The following CCDC188 variants were observed in gnomAD, a reference collection of about 807,000 sequenced individuals.
The protein encoded by CCDC188 is coiled-coil domain-containing protein 188.
Under a neutral mutation model 50.7 loss-of-function variants are expected in CCDC188, and 37 were observed. That is an observed-to-expected ratio of 0.73 (90% CI 0.56 to 0.96). The LOEUF (loss-of-function observed/expected upper bound fraction) is 0.96, where lower values mean the gene tolerates loss of function less well. CCDC188 is among the 40% of genes least tolerant of loss of function. The pLI, the probability that CCDC188 is intolerant of heterozygous loss-of-function variation, is 0.00. For missense variants in CCDC188, 453 were observed against 512.9 expected (o/e 0.88, Z 1.13); for synonymous variants, 208 against 228.0 (o/e 0.91, Z 0.79).
In CCDC188 at chr22:20,148,678, C is replaced by T; in HGVS notation, c.1145G>A (p.Trp382Ter). The T allele has an allele frequency of 6.5e-7, 1 of 1,545,658 alleles. No homozygotes were observed. The highest frequency in any genetic ancestry group is 8.7e-7 in the Non-Finnish European group (1 of 1,144,820). The change falls in exon 9 of 9, where the codon TGG becomes TAG. Residue 382 changes from tryptophan (W) to a stop codon, truncating the protein, a stop_gained. Transcript: ENST00000439765. LOFTEE classifies it high-confidence loss of function. ...VPPLLSRATV[W>*]KLRALLDPFL... ...GGGGTCCAGCAGGGCCCGGAGCTTC[C>T]AGACGGTGGCACGGCTCAGCAGGGG...
At chr22:20,150,439 G>T in intron 1 of CCDC188, 29 bp downstream of exon 1, 1 of 1,515,300 alleles carries the variant, frequency 6.6e-7, no homozygotes, top group Non-Finnish European at 8.8e-7. Flanking sequence ...GGCTGGGGCT[G>T]GGGCTGGGGC....
rs2050578830 is a variant in CCDC188, at chr22:20,149,492, G to A, written c.850-16C>T. On this transcript the variant is annotated splice_polypyrimidine_tract_variant and intron_variant, in intron 5 of 8. Coordinates refer to ENST00000439765, the MANE Select transcript of CCDC188 (RefSeq NM_001365892.2). ...TCTTGAGGTTCTGGGGGCCAGAGGA[G>A]GTAAGCACAGCAGGCCCCTCGCCCC... 1 of 1,549,940 alleles carries A rather than the reference G, an allele frequency of 6.5e-7. No homozygotes were observed. Among genetic ancestry groups the A allele is most frequent in the South Asian group, 1.2e-5 (1 of 84,030 alleles).
rs1192736576 is a variant in CCDC188 at position 20,148,887 on chromosome 22, G to T, written c.1010C>A (p.Ala337Glu). The part of the protein sequence containing the change: ...RPKLGSSKGL[A>E]GQLWLLTLRL... ...TGCAGTCACCTACCAGAGCTGGCCT[G>T]CCAGGCCCTTGGAGCTTCCCAGCTT... Residue 337 changes from alanine (A) to glutamate (E), a missense_variant, in exon 8 of 9, where the codon GCA (alanine) becomes GAA (glutamate). Physicochemically the swap from Ala to Glu is moderately radical, Grantham distance 107. Transcript: ENST00000439765. 2 of 1,514,000 alleles carry T rather than the reference G, an allele frequency of 1.3e-6. No individual in the cohort carries two copies. Among genetic ancestry groups the T allele is most frequent in the Non-Finnish European group, 1.8e-6 (2 of 1,128,494 alleles). The allele number at this position is 1,514,000 out of a possible 1,614,324, so 93.8% of individuals were successfully genotyped here. A position where few individuals can be genotyped will look rare whatever the true frequency, so the allele number is the denominator to read the frequency against.
At chr22:20,150,370 A>T (rs1235521515) in intron 1 of CCDC188, 98 bp downstream of exon 1, 1 of 738,584 alleles carries the variant, frequency 1.4e-6, no homozygotes, top group Non-Finnish European at 1.9e-6. Context: ...GGGCAGGGGC[A>T]GGGGCGCCAG....
chr22:20,149,323 G>GT (rs2050574474), intron 6 of CCDC188, 79 bp from the exon 7 acceptor site: 1 of 1,545,808 alleles, frequency 6.5e-7, no homozygotes, highest in African/African-American at 1.4e-5. Flanking sequence ...TGCTGTGGAG[G>GT]TGGGGGGTCA....
chr22:20,150,350 G>A, intron 1 of CCDC188, 100 bp from the exon 2 acceptor site: 1 of 1,020,894 alleles, frequency 9.8e-7, no homozygotes, highest in South Asian at 1.6e-5. Context: ...TGGGGCTGGG[G>A]CTGGGGCAGG....
At position 20,148,700 on chromosome 22, in the gene CCDC188, G is replaced by A. The variant is rs1359510709; in HGVS notation, c.1123C>T (p.Leu375=). The change falls in exon 9 of 9, where the codon CTG becomes TTG. Residue 375 remains leucine (L), a synonymous_variant. Transcript: ENST00000439765. ...PTPFEGLVPP[L]LSRATVWKLR... ...TTCCAGACGGTGGCACGGCTCAGCA[G>A]GGGTGGCACCAGCCCCTCGAAAGGT... is the stretch of plus-strand genomic sequence containing the variant. The A allele has an allele frequency of 5.5e-5, 85 of 1,542,354 alleles. No homozygotes were observed. The highest frequency in any genetic ancestry group is 1.1e-4 in the South Asian group (9 of 83,348).
At chr22:20,149,512 C>A in intron 5 of CCDC188, 36 bp from the exon 6 acceptor site, 1 of 1,549,902 alleles carries the variant, frequency 6.5e-7, no homozygotes, top group Non-Finnish European at 8.7e-7. Context: ...GCAGGCCCCT[C>A]GCCCCGCCCT....
rs1008466592 is a variant in CCDC188 at position 20,149,240 on chromosome 22, G to C, written c.919C>G (p.Arg307Gly). The stretch of plus-strand genomic sequence containing the variant: ...CTGGCTCGAGTGCGGCACTGGGCCC[G>C]CTCCCTGCGGGGGCCTCACTGTCAG... The part of the protein sequence containing the change: ...EDIQLEILRE[R>G]AQCRTRARKE... Residue 307 changes from arginine (R) to glycine (G), a missense_variant, in exon 7 of 9, where the codon CGG becomes GGG. Arg to Gly is a moderately radical substitution (Grantham distance 125). Coordinates refer to ENST00000439765, the MANE Select transcript of CCDC188 (RefSeq NM_001365892.2). 1 of 1,491,716 alleles carries C rather than the reference G, an allele frequency of 6.7e-7. No homozygotes were observed. The highest frequency in any genetic ancestry group is 8.9e-7 in the Non-Finnish European group (1 of 1,117,994). The allele number at this position is 1,491,716 out of a possible 1,614,324, so 92.4% of individuals were successfully genotyped here.
At chr22:20,149,090 G>T in intron 7 of CCDC188, 97 bp downstream of exon 7, 1 of 1,280,640 alleles carries the variant, frequency 7.8e-7, no homozygotes. Flanking sequence ...CCCTGCCCTG[G>T]ACCTGCCCTC....
Position 20,149,996 on chromosome 22 carries a change from C to T in CCDC188, c.691G>A (p.Glu231Lys), listed in dbSNP as rs1057342279. 6.5e-7 allele frequency: 1 copy of T among 1,548,182 alleles called. No individual in the cohort carries two copies. Among genetic ancestry groups the T allele is most frequent in the Non-Finnish European group, 8.7e-7 (1 of 1,146,736 alleles). ...NRAPLQLLRR[E>K]LCQGQEAFVQ... The stretch of plus-strand genomic sequence containing the variant: ...AAAGCCTCTTGCCCCTGGCACAGCT[C>T]CCGCCGCAGCAGCTGCAGAGGTGCC... The change falls in exon 3 of 9, where the codon GAG (glutamate) becomes AAG (lysine). Residue 231 changes from glutamate (E) to lysine (K), a missense_variant. By Grantham distance (56) the Glu-to-Lys change is moderately conservative. Coordinates refer to ENST00000439765, the MANE Select transcript of CCDC188 (RefSeq NM_001365892.2).
chr22:20,150,375 C>CAGGGGT (rs2050603001), intron 1 of CCDC188, 93 bp downstream of exon 1: 2 of 1,018,644 alleles, frequency 2.0e-6, no homozygotes. Context: ...GGGGCAGGGG[C>CAGGGGT]GCCAGGTGGT....
rs7291332 is a variant in CCDC188, at chr22:20,149,143, G to A, written c.972+44C>T. ...CTCTCGCCCAAGCAGGGCCCTGGGT[G>A]GGGGGCTGGTCTCCAGACCCAGAGT... is the stretch of plus-strand genomic sequence containing the variant. On this transcript the variant is annotated intron_variant, in intron 7 of 8. Coordinates refer to ENST00000439765, the MANE Select transcript of CCDC188 (RefSeq NM_001365892.2). The A allele has an allele frequency of 4.3e-4, 600 of 1,384,832 alleles. 1 individual carries two copies. In the East Asian group the frequency reaches 7.3e-3, roughly 17 times the overall value. The allele number at this position is 1,384,832 out of a possible 1,614,324, so 85.8% of individuals were successfully genotyped here.
intron 6 of CCDC188, 43 bp from the exon 7 acceptor site, chr22:20,149,287 A>G: frequency 6.5e-7 from 1 of 1,530,080 alleles, no homozygotes. Context: ...CTCCACCCCC[A>G]GCCTGGCACC....
rs1243903760 is a variant in CCDC188, at chr22:20,150,918, G to A, written c.69C>T (p.Ser23=). 4 of 1,428,074 alleles carry A rather than the reference G, an allele frequency of 2.8e-6. No homozygotes were observed. The highest frequency in any genetic ancestry group is 2.8e-6 in the Non-Finnish European group (3 of 1,082,506). The allele number at this position is 1,428,074 out of a possible 1,614,324, so 88.5% of individuals were successfully genotyped here. The change falls in exon 1 of 9, where the codon TCC becomes TCT. Residue 23 remains serine (S), a synonymous_variant. Transcript: ENST00000439765. ...GGTCCAGGCCTCCTCCATGGCTGCT[G>A]GAGGCTGGGGTTGGGGGACACTGGG... ...PHPQCPPTPA[S]SSHGGGLDQP... is the part of the protein sequence containing the mutation.
chr22:20,149,148 G>T, intron 7 of CCDC188, 39 bp downstream of exon 7: 1 of 1,405,318 alleles, frequency 7.1e-7, no homozygotes, highest in Non-Finnish European at 9.4e-7. Context: ...TGGGTGGGGG[G>T]CTGGTCTCCA....
rs767095742 is a variant in CCDC188, at chr22:20,149,222, G to C, written c.937C>G (p.Arg313Gly). 6.8e-7 allele frequency: 1 copy of C among 1,474,172 alleles called. No homozygotes were observed. The highest frequency in any genetic ancestry group is 9.0e-7 in the Non-Finnish European group (1 of 1,109,594). 91.3% of individuals were successfully genotyped at this position (1,474,172 alleles called of 1,614,324 possible). The change falls in exon 7 of 9, where the codon CGA becomes GGA. Residue 313 changes from arginine (R) to glycine (G), a missense_variant. Arg to Gly is a moderately radical substitution (Grantham distance 125). Coordinates refer to ENST00000439765, the MANE Select transcript of CCDC188 (RefSeq NM_001365892.2). ...GCCATCTGCTTCTCCTTCCTGGCTC[G>C]AGTGCGGCACTGGGCCCGCTCCCTG... The part of the protein sequence containing the change: ...ILRERAQCRT[R>G]ARKEKQMASM...
In CCDC188 at chr22:20,151,051, TTAC is replaced by T; in HGVS notation, c.-68_-66del. ...TGGCCTGGCCCAACCTGCCACCCTC[TTAC>T]TGAGGGGGCTGCCCCAGGCAACAGT... On this transcript the variant is annotated 5_prime_UTR_variant, in exon 1 of 9. Coordinates refer to ENST00000439765, the MANE Select transcript of CCDC188 (RefSeq NM_001365892.2). 7.7e-7 allele frequency: 1 copy of T among 1,298,562 alleles called. No homozygotes were observed. The highest frequency in any genetic ancestry group is 9.8e-7 in the Non-Finnish European group (1 of 1,023,368). The allele number at this position is 1,298,562 out of a possible 1,614,324, so 80.4% of individuals were successfully genotyped here. A position where few individuals can be genotyped will look rare whatever the true frequency, so the allele number is the denominator to read the frequency against.
intron 1 of CCDC188, 43 bp from the exon 2 acceptor site, chr22:20,150,293 C>T: frequency 1.6e-6 from 2 of 1,225,546 alleles, no homozygotes; most frequent in Non-Finnish European, 1.1e-6. Context: ...GTCATGGCCG[C>T]TCCTGCGGCT....
Sources: gnomAD v4.1 joint callset for allele counts on GRCh38, gnomAD v4.1.1 for gene constraint, MANE v1.5 for transcripts, NCBI Gene and HGNC (gene_info 2026-07-23, HGNC 2026-07-21) for gene names.